The following GART variants were observed in gnomAD, a reference collection of about 807,000 sequenced individuals.
GART encodes the protein phosphoribosylglycinamide formyltransferase, phosphoribosylglycinamide synthetase, phosphoribosylaminoimidazole synthetase.
GART carries 43 observed loss-of-function variants against 107.2 expected under a neutral mutation model. The ratio of observed to expected loss-of-function variants is 0.40; its 90% CI spans 0.31 to 0.52. GART has a LOEUF of 0.52. GART is among the 20% of genes least tolerant of loss of function. The pLI is 0.52. For synonymous variants in GART, 434 were observed against 427.0 expected, an observed-to-expected ratio of 1.02 and a Z score of -0.20; for missense variants, 1,107 against 1,206.5, an observed-to-expected ratio of 0.92 and a Z score of 1.22.
Position 33,522,211 on chromosome 21 carries a change from A to G in GART, c.1370T>C (p.Leu457Ser), listed in dbSNP as rs2084986153. The G allele has an allele frequency of 8.1e-6, 13 of 1,613,754 alleles. No individual in the cohort carries two copies. Among genetic ancestry groups the G allele is most frequent in the Admixed American group, 1.7e-5 (1 of 60,000 alleles). The change falls in exon 12 of 22, where the codon TTA becomes TCA. Residue 457 changes from leucine to serine, a missense_variant. Transcript: ENST00000381815. ...ACCTGATCTGGAAGTGGCTTTTGCT[A>G]AAGGCTGAATTTTCTTGACCAGCAT... ...GNMLVKKIQP[L>S]AKATSRSGCK...
At chr21:33,542,761 C>T, upstream of GART, 1 of 346,422 alleles carries the variant, frequency 2.9e-6, no homozygotes, top group Non-Finnish European at 5.4e-6. Context: ...TGTTAAGGCT[C>T]CCAAACACTG....
chr21:33,523,141 G>T (rs1217877795), intron 11 of GART, among the ~76,000 whole-genome samples: 4 of 152,190 alleles, frequency 2.6e-5, no homozygotes, highest in Non-Finnish European at 4.4e-5. Context: ...AGATTTTGTA[G>T]TCTTGACTTG....
At chr21:33,510,143 T>A (rs2084758843) in intron 17 of GART, 1 of 498,830 alleles carries the variant, frequency 2.0e-6, no homozygotes, top group Admixed American at 3.4e-5. Context: ...AAGCTGCAGA[T>A]CACATCACTA....
chr21:33,519,855 TA>T (rs2084939450), intron 14 of GART, among the ~76,000 whole-genome samples: 1 of 150,504 alleles, frequency 6.6e-6, no homozygotes, highest in Non-Finnish European at 1.5e-5. Context: ...AAAAAGAGGT[TA>T]TTTTGTTCCT....
At chr21:33,527,887 G>C (rs1169119436) in intron 10 of GART, among the ~76,000 whole-genome samples, 1 of 152,118 alleles carries the variant, frequency 6.6e-6, no homozygotes, top group Non-Finnish European at 1.5e-5. Flanking sequence ...CCTGGCTCTA[G>C]GCAGGTGGAA....
intron 16 of GART, among the ~76,000 whole-genome samples, chr21:33,515,446 C>G (rs2084856550): frequency 1.3e-5 from 2 of 151,980 alleles, no homozygotes; most frequent in Non-Finnish European, 2.9e-5. Context: ...TTGAGACCAT[C>G]CTGGCCAACA....
rs1291517982 is a variant in GART, at chr21:33,534,843, A to G, written c.242-90T>C. ...CGAATTAGTATCAGACTATATCTAC[A>G]TCTAGACAAGGCAGATGACTGGTGG... On this transcript the variant is annotated intron_variant, in intron 3 of 21. Transcript: ENST00000381815. The G allele has an allele frequency of 2.2e-5, 25 of 1,158,334 alleles. No individual in the cohort carries two copies. In the East Asian group the frequency reaches 6.0e-4, roughly 28 times the overall value. The allele number at this position is 1,158,334 out of a possible 1,614,324, so 71.8% of individuals were successfully genotyped here.
chr21:33,524,067 A>C, intron 11 of GART: 4 of 985,376 alleles, frequency 4.1e-6, no homozygotes, highest in Non-Finnish European at 4.8e-6. Context: ...CCAACAATGA[A>C]TCAGTAAGAG....
intron 16 of GART, among the ~76,000 whole-genome samples, chr21:33,514,677 T>C (rs565488923): frequency 1.3e-5 from 2 of 152,336 alleles, no homozygotes; most frequent in South Asian, 2.1e-4. Flanking sequence ...AAGGTTCTTA[T>C]ATATGCTCAC....
At chr21:33,504,608 T>A in intron 20 of GART, 81 bp from the exon 21 acceptor site, 1 of 986,512 alleles carries the variant, frequency 1.0e-6, no homozygotes, top group South Asian at 1.5e-5. Context: ...CCTATCTAGA[T>A]CCGAAGTCAA....
In GART at chr21:33,524,879, G is replaced by C; in HGVS notation, c.1188C>G (p.Leu396=). 1 of 1,614,186 alleles carries C rather than the reference G, an allele frequency of 6.2e-7. No homozygotes were observed. The highest frequency in any genetic ancestry group is 8.5e-7 in the Non-Finnish European group (1 of 1,180,042). Residue 396 remains leucine (L), a synonymous_variant, in exon 11 of 22, where the codon CTC becomes CTG. Coordinates refer to ENST00000381815, the MANE Select transcript of GART (RefSeq NM_000819.5). Reference sequence around the variant, plus strand: ...TCTTGGCTTCCTCAAGGGCTGATATGAGATTTTCCCGGATGGCTGTGACTG... The same window carrying C: ...TCTTGGCTTCCTCAAGGGCTGATATCAGATTTTCCCGGATGGCTGTGACTG... ...VLAVTAIREN[L]ISALEEAKKG... is the part of the protein sequence containing the mutation.
At chr21:33,509,705 C>T in intron 18 of GART, 78 bp downstream of exon 18, 1 of 1,473,786 alleles carries the variant, frequency 6.8e-7, no homozygotes, top group Non-Finnish European at 9.3e-7. Flanking sequence ...CGAGAGTAAC[C>T]TTACAATCTC....
At chr21:33,525,869 C>CTT (rs35893472) in intron 10 of GART, among the ~76,000 whole-genome samples, 43 of 135,024 alleles carry the variant, frequency 3.2e-4, no homozygotes, top group East Asian at 2.7e-3. Flanking sequence ...AGGGAACTTC[C>CTT]TTTTTTTTTT....
intron 4 of GART, 84 bp downstream of exon 4, chr21:33,534,495 G>A: frequency 6.9e-7 from 1 of 1,448,504 alleles, no homozygotes; most frequent in Non-Finnish European, 9.6e-7. Context: ...GGGATTACAG[G>A]TGAGCTACTG....
Position 33,539,187 on chromosome 21 carries a change from T to C in GART, c.129A>G (p.Glu43=). The change falls in exon 2 of 22, where the codon GAA becomes GAG. Residue 43 remains glutamate, a synonymous_variant. Coordinates refer to ENST00000381815, the MANE Select transcript of GART (RefSeq NM_000819.5). The stretch of plus-strand genomic sequence containing the variant: ...CATGATTACCGGTATTTGAAATCTT[T>C]TCAGAGCAGGCAGTGCCTGCGTTTC... The part of the protein sequence containing the change: ...APGNAGTACS[E]KISNTAISIS... 1 of 1,612,840 alleles carries C rather than the reference T, an allele frequency of 6.2e-7. No homozygotes were observed. The highest frequency in any genetic ancestry group is 8.5e-7 in the Non-Finnish European group (1 of 1,179,632).
intron 5 of GART, 47 bp downstream of exon 5, chr21:33,532,298 A>G (rs762170779): frequency 1.5e-6 from 2 of 1,294,644 alleles, no homozygotes; most frequent in Non-Finnish European, 2.2e-6. Context: ...AACGGTATTT[A>G]TTCAGTATGA....
At chr21:33,535,904 T>C (rs1269032179) in intron 2 of GART, among the ~76,000 whole-genome samples, 2 of 152,068 alleles carry the variant, frequency 1.3e-5, no homozygotes, top group African/African-American at 4.8e-5. Context: ...GGCATGCACC[T>C]GTAATCCCAA....
intron 19 of GART, 93 bp downstream of exon 19, chr21:33,505,881 C>T: frequency 1.3e-6 from 2 of 1,538,958 alleles, no homozygotes; most frequent in Non-Finnish European, 1.8e-6. Context: ...TGGCGAAGTC[C>T]CAAGAACAAG....
Position 33,528,898 on chromosome 21 carries a change from G to A in GART, c.763C>T (p.Leu255Phe). 1 of 1,613,520 alleles carries A rather than the reference G, an allele frequency of 6.2e-7. No homozygotes were observed. Among genetic ancestry groups the A allele is most frequent in the Non-Finnish European group, 8.5e-7 (1 of 1,179,530 alleles). Reference protein sequence around the residue: ...DLLLKIKDTVLQRTVDGMQQE... With the variant: ...DLLLKIKDTVFQRTVDGMQQE... ...TGCATGCCATCCACTGTCCTCTGAA[G>A]AACAGTATCTTTAATTTTTAGTAAT... The change falls in exon 8 of 22, where the codon CTT becomes TTT. Residue 255 changes from leucine (L) to phenylalanine (F), a missense_variant. Coordinates refer to ENST00000381815, the MANE Select transcript of GART (RefSeq NM_000819.5).
Sources: gnomAD v4.1 joint callset for allele counts (sites outside exome capture counted in the v4.1 genomes callset) on GRCh38, gnomAD v4.1.1 for gene constraint, MANE v1.5 for transcripts, NCBI Gene and HGNC (gene_info 2026-07-23, HGNC 2026-07-21) for gene names.